The following CCSER1 variants were observed in gnomAD, a reference collection of about 807,000 sequenced individuals.
The protein encoded by CCSER1 is serine-rich coiled-coil domain-containing protein 1.
CCSER1 carries 41 observed loss-of-function variants against 82.0 expected under a neutral mutation model. The ratio of observed to expected loss-of-function variants is 0.50; its 90% CI spans 0.39 to 0.65. The LOEUF (loss-of-function observed/expected upper bound fraction) is 0.65. CCSER1 is among the 30% of genes least tolerant of loss of function. The pLI is 0.00. For missense variants in CCSER1, 1,119 were observed against 1,064.2 expected (o/e 1.05, Z -0.72); for synonymous variants, 414 against 383.9 (o/e 1.08, Z -0.92).
At chr4:90,217,352 A>C (rs1320115796) in intron 1 of CCSER1, among the ~76,000 whole-genome samples, 1 of 152,082 alleles carries the variant, frequency 6.6e-6, no homozygotes, top group Non-Finnish European at 1.5e-5. Flanking sequence ...GCCTGCCACC[A>C]TGCCTGGCTA....
intron 10 of CCSER1, among the ~76,000 whole-genome samples, chr4:91,423,277 A>G (rs1753783011): frequency 6.6e-6 from 1 of 151,902 alleles, no homozygotes; most frequent in Non-Finnish European, 1.5e-5. Context: ...AAAAAAAAAA[A>G]AAATTAGCCA....
chr4:91,489,461 T>A (rs1469133372), intron 10 of CCSER1, among the ~76,000 whole-genome samples: 1 of 152,132 alleles, frequency 6.6e-6, no homozygotes, highest in East Asian at 1.9e-4. Context: ...AGTTAGATAG[T>A]CTTTGACATC....
chr4:91,227,558 T>A (rs553897545), intron 10 of CCSER1, among the ~76,000 whole-genome samples: 5 of 151,838 alleles, frequency 3.3e-5, no homozygotes, highest in African/African-American at 1.2e-4. Context: ...GTACTGGTTT[T>A]TTTTTTTACC....
At chr4:90,712,719 T>C (rs1481798083) in intron 6 of CCSER1, among the ~76,000 whole-genome samples, 1 of 151,978 alleles carries the variant, frequency 6.6e-6, no homozygotes, top group East Asian at 1.9e-4. Flanking sequence ...GTGATCTGCC[T>C]AATATTGTTA....
At chr4:91,290,678 C>A (rs1021174113) in intron 10 of CCSER1, among the ~76,000 whole-genome samples, 3 of 151,756 alleles carry the variant, frequency 2.0e-5, no homozygotes, top group Admixed American at 1.3e-4. Context: ...TTTGTCTTAC[C>A]AAAATTAACA....
rs1387468898 is a variant in CCSER1 at position 90,723,342 on chromosome 4, C to T, written c.1933-572C>T. ...GGCATTCTCTTACATTTGTGTAAAT[C>T]TTTTATCCTTAAATTTTTGTTTAGC... On this transcript the variant is annotated intron_variant, in intron 6 of 10. Transcript: ENST00000509176. Among the ~76,000 whole-genome samples, 7 of 151,898 alleles carry T rather than the reference C, an allele frequency of 4.6e-5. No homozygotes were observed. The East Asian group carries it at 9.6e-4, about 21-fold the overall frequency.
intron 1 of CCSER1, among the ~76,000 whole-genome samples, chr4:90,280,652 G>A (rs759276076): frequency 1.3e-4 from 20 of 151,934 alleles, no homozygotes; most frequent in Admixed American, 1.2e-3. Flanking sequence ...CAGATCTAAC[G>A]TAGGTCTTTG....
At chr4:90,813,731 A>G (rs746629277) in intron 7 of CCSER1, among the ~76,000 whole-genome samples, 4 of 152,168 alleles carry the variant, frequency 2.6e-5, no homozygotes, top group East Asian at 3.9e-4. Flanking sequence ...TATAAGTCCA[A>G]TTAAACCTCT....
At chr4:90,250,113 C>T (rs1722128012) in intron 1 of CCSER1, among the ~76,000 whole-genome samples, 1 of 151,844 alleles carries the variant, frequency 6.6e-6, no homozygotes, top group Admixed American at 6.6e-5. Flanking sequence ...GTTGAGAGGT[C>T]CTTAAAATAT....
At chr4:90,723,198 A>T (rs1742990342) in intron 6 of CCSER1, among the ~76,000 whole-genome samples, 1 of 151,972 alleles carries the variant, frequency 6.6e-6, no homozygotes, top group African/African-American at 2.4e-5. Flanking sequence ...GCTTTTAGAA[A>T]AGTAAATTAA....
chr4:91,156,950 C>T (rs1730881235), intron 10 of CCSER1, among the ~76,000 whole-genome samples: 1 of 151,942 alleles, frequency 6.6e-6, no homozygotes, highest in Non-Finnish European at 1.5e-5. Context: ...ATCCTTCCAT[C>T]TCTATATTTT....
chr4:91,512,794 AT>A (rs899716342), intron 10 of CCSER1, among the ~76,000 whole-genome samples: 18 of 152,134 alleles, frequency 1.2e-4, no homozygotes, highest in Non-Finnish European at 2.1e-4. Flanking sequence ...TATACTACCT[AT>A]TTTTGTACAT....
intron 9 of CCSER1, among the ~76,000 whole-genome samples, chr4:90,975,983 C>A (rs1176094238): frequency 6.6e-6 from 1 of 151,112 alleles, no homozygotes; most frequent in Admixed American, 6.6e-5. Context: ...TCTAATTTTG[C>A]CTTTTATTAA....
intron 10 of CCSER1, among the ~76,000 whole-genome samples, chr4:91,544,141 T>G (rs1761756498): frequency 6.6e-6 from 1 of 152,188 alleles, no homozygotes; most frequent in South Asian, 2.1e-4. Flanking sequence ...GTGCAATGGT[T>G]TTCAGCTCCA....
At chr4:91,066,340 C>T (rs958651971) in intron 9 of CCSER1, among the ~76,000 whole-genome samples, 1 of 152,154 alleles carries the variant, frequency 6.6e-6, no homozygotes, top group Non-Finnish European at 1.5e-5. Flanking sequence ...CAAATGGTCG[C>T]ACAGTTAGCG....
intron 6 of CCSER1, among the ~76,000 whole-genome samples, chr4:90,651,266 T>C (rs1374545828): frequency 6.6e-6 from 1 of 152,124 alleles, no homozygotes; most frequent in Non-Finnish European, 1.5e-5. Flanking sequence ...CTATTCACAA[T>C]AGCAAAGACT....
chr4:90,547,236 T>G (rs1267098074), intron 5 of CCSER1, among the ~76,000 whole-genome samples: 6 of 148,502 alleles, frequency 4.0e-5, no homozygotes, highest in Non-Finnish European at 7.4e-5. Flanking sequence ...TAAAATAAAA[T>G]AAAAAAAAGA....
intron 10 of CCSER1, among the ~76,000 whole-genome samples, chr4:91,298,355 A>G (rs1373343671): frequency 6.6e-6 from 1 of 152,042 alleles, no homozygotes; most frequent in Non-Finnish European, 1.5e-5. Context: ...ACAGCTGCCC[A>G]GAGCTCAAAT....
chr4:90,528,175 A>G (rs1349491412), intron 5 of CCSER1, among the ~76,000 whole-genome samples: 1 of 152,216 alleles, frequency 6.6e-6, no homozygotes, highest in Admixed American at 6.5e-5. Flanking sequence ...GAAAATATAC[A>G]TTTTGAGAGT....
Sources: allele counts gnomAD v4.1 joint callset (sites outside exome capture counted in the v4.1 genomes callset), GRCh38; gene constraint gnomAD v4.1.1; transcripts MANE v1.5; gene names NCBI Gene and HGNC (gene_info 2026-07-23, HGNC 2026-07-21).